The following CEP295 variants were observed in gnomAD, a reference collection of about 807,000 sequenced individuals.
CEP295 encodes the protein centrosomal protein of 295 kDa.
A neutral mutation model predicts 291.6 loss-of-function variants in CEP295; 190 were observed. The ratio of observed to expected loss-of-function variants is 0.65; its 90% CI spans 0.58 to 0.73. The LOEUF (loss-of-function observed/expected upper bound fraction) is 0.73, where lower values mean the gene tolerates loss of function less well. CEP295 is among the 30% of genes least tolerant of loss of function. CEP295 has a pLI of 0.00. For missense variants in CEP295, 2,863 were observed against 2,949.4 expected (o/e 0.97, Z 0.68); for synonymous variants, 993 against 1,038.8 (o/e 0.96, Z 0.85).
Position 93,702,562 on chromosome 11 carries a change from A to G in CEP295, c.5377A>G (p.Asn1793Asp). 6.4e-7 allele frequency: 1 copy of G among 1,551,460 alleles called. No individual in the cohort carries two copies. Among genetic ancestry groups the G allele is most frequent in the Non-Finnish European group, 8.7e-7 (1 of 1,146,904 alleles). ...AGACCTAGCAGGAAATGATCAAGAA[A>G]ATATTAGGCATGCAGATAGGAACAA... ...TQDLAGNDQE[N>D]IRHADRNNSD... is the part of the protein sequence containing the mutation. The change falls in exon 16 of 30, where the codon AAT (asparagine) becomes GAT (aspartate). Residue 1793 changes from asparagine (N) to aspartate (D), a missense_variant. Around this residue, in one of 3 missense-constraint regions of CEP295, gnomAD observed 2,295 missense variants for 2,335.7 expected, o/e 0.98. Transcript: ENST00000325212.
intron 6 of CEP295, among the ~76,000 whole-genome samples, chr11:93,677,040 C>T (rs989775614): frequency 2.0e-5 from 3 of 151,982 alleles, no homozygotes; most frequent in African/African-American, 7.2e-5. Context: ...TTACTGAACA[C>T]ATTTTTATTC....
chr11:93,722,747 G>A (rs992258745), intron 20 of CEP295: 4 of 266,650 alleles, frequency 1.5e-5, no homozygotes, highest in Admixed American at 5.0e-5. Context: ...GGAATATAGT[G>A]TCGCTGTCAA....
intron 7 of CEP295, among the ~76,000 whole-genome samples, chr11:93,679,861 T>C (rs912129089): frequency 3.9e-5 from 6 of 152,238 alleles, no homozygotes; most frequent in African/African-American, 9.6e-5. Flanking sequence ...CAATAGCATA[T>C]GTGCTCTATA....
intron 16 of CEP295, 51 bp downstream of exon 16, chr11:93,702,688 T>C: frequency 6.5e-7 from 1 of 1,530,080 alleles, no homozygotes; most frequent in Non-Finnish European, 8.8e-7. Flanking sequence ...TTCCTTGTTT[T>C]CGTCCCCTGT....
chr11:93,679,493 C>T lies in CEP295; in HGVS notation c.706C>T (p.Arg236Trp), dbSNP rs1485508205. The T allele has an allele frequency of 1.0e-5, 16 of 1,551,312 alleles. No individual in the cohort carries two copies. Among genetic ancestry groups the T allele is most frequent in the East Asian group, 4.9e-5 (2 of 40,914 alleles). The change falls in exon 7 of 30, where the codon CGG (arginine) becomes TGG (tryptophan). Residue 236 changes from arginine to tryptophan, a missense_variant. Arg to Trp is a moderately radical substitution (Grantham distance 101). Transcript: ENST00000325212. Reference sequence around the variant, plus strand: ...ACAGGCAGCACAAGAGAGAATGGAACGGTTTGAAAAGGCACATGTACGGGG... The same window carrying T: ...ACAGGCAGCACAAGAGAGAATGGAATGGTTTGAAAAGGCACATGTACGGGG... ...QKQAAQERME[R>W]FEKAHVRGFQ...
chr11:93,670,169 A>G (rs1022270691), intron 5 of CEP295, among the ~76,000 whole-genome samples: 2 of 152,080 alleles, frequency 1.3e-5, no homozygotes, highest in African/African-American at 2.4e-5. Flanking sequence ...GGGGGAAAAA[A>G]CTAAACTATT....
intron 6 of CEP295, among the ~76,000 whole-genome samples, chr11:93,678,127 AT>A (rs1180197465): frequency 6.6e-6 from 1 of 152,100 alleles, no homozygotes; most frequent in Non-Finnish European, 1.5e-5. Flanking sequence ...TTTCTTTAAA[AT>A]TTTGGTTTAC....
At chr11:93,715,168 C>T (rs919005520) in intron 18 of CEP295, among the ~76,000 whole-genome samples, 2 of 152,074 alleles carry the variant, frequency 1.3e-5, no homozygotes, top group African/African-American at 4.8e-5. Flanking sequence ...ACTGGGTACT[C>T]TACTGTGGCT....
chr11:93,664,586 A>G (rs1950127139), intron 1 of CEP295, among the ~76,000 whole-genome samples: 1 of 152,232 alleles, frequency 6.6e-6, no homozygotes, highest in Non-Finnish European at 1.5e-5. Context: ...ATAGCTCTGT[A>G]GCACTTCACA....
At chr11:93,714,914 C>A (rs1263318286) in intron 18 of CEP295, among the ~76,000 whole-genome samples, 1 of 152,108 alleles carries the variant, frequency 6.6e-6, no homozygotes, top group African/African-American at 2.4e-5. Flanking sequence ...ACCCCTGTGG[C>A]CATCATCTCT....
At chr11:93,667,116 AT>A (rs1179731681) in intron 2 of CEP295, among the ~76,000 whole-genome samples, 5 of 152,358 alleles carry the variant, frequency 3.3e-5, no homozygotes, top group Admixed American at 1.3e-4. Flanking sequence ...AAGAATGCTA[AT>A]TGGAAAGATT....
At chr11:93,684,439 A>T (rs961865331) in intron 9 of CEP295, among the ~76,000 whole-genome samples, 1 of 152,176 alleles carries the variant, frequency 6.6e-6, no homozygotes, top group Non-Finnish European at 1.5e-5. Context: ...TAACTTAAGC[A>T]TACCCTGAGA....
At chr11:93,665,797 A>T (rs987928552) in intron 1 of CEP295, among the ~76,000 whole-genome samples, 44 of 152,224 alleles carry the variant, frequency 2.9e-4, no homozygotes, top group African/African-American at 9.9e-4. Context: ...TAATTATTGA[A>T]GAATTGTTTA....
chr11:93,723,864 TG>T (rs1247613028), intron 21 of CEP295: 2 of 162,228 alleles, frequency 1.2e-5, no homozygotes, highest in African/African-American at 4.8e-5. Flanking sequence ...TGTTCATACC[TG>T]TAATCGTAGC....
intron 23 of CEP295, among the ~76,000 whole-genome samples, chr11:93,726,215 C>G (rs1954124275): frequency 6.6e-6 from 1 of 152,204 alleles, no homozygotes; most frequent in South Asian, 2.1e-4. Context: ...ACTGCAACCT[C>G]CGCCTGCTGG....
chr11:93,718,549 A>G (rs1407686579), intron 18 of CEP295, among the ~76,000 whole-genome samples: 1 of 151,886 alleles, frequency 6.6e-6, no homozygotes, highest in Non-Finnish European at 1.5e-5. Context: ...TCTCACTTTT[A>G]TTTTTCACTT....
At chr11:93,707,115 C>T (rs1463450113) in intron 18 of CEP295, among the ~76,000 whole-genome samples, 1 of 148,242 alleles carries the variant, frequency 6.7e-6, no homozygotes, top group Non-Finnish European at 1.5e-5. Context: ...AGAAGTTTAT[C>T]AAGGTAGGAG....
At chr11:93,673,570 T>C (rs1032987169) in intron 5 of CEP295, among the ~76,000 whole-genome samples, 1 of 152,096 alleles carries the variant, frequency 6.6e-6, no homozygotes, top group African/African-American at 2.4e-5. Flanking sequence ...CTCGGCTCCC[T>C]GCAACCTCTG....
At chr11:93,692,171 T>A in intron 12 of CEP295, 141 bp downstream of exon 12, 1 of 587,200 alleles carries the variant, frequency 1.7e-6, no homozygotes, top group South Asian at 2.3e-5. Flanking sequence ...AACATTCAGC[T>A]GATAAAATGC....
Sources: gnomAD v4.1 joint callset for allele counts (sites outside exome capture counted in the v4.1 genomes callset) on GRCh38, gnomAD v4.1.1 for gene constraint, gnomAD v4.1.1 regional missense constraint, MANE v1.5 for transcripts, NCBI Gene and HGNC (gene_info 2026-07-23, HGNC 2026-07-21) for gene names.